Variants in IL12A observed in about 807,000 individuals in gnomAD.
The protein encoded by IL12A is interleukin-12 subunit alpha.
A neutral mutation model predicts 23.5 loss-of-function variants in IL12A; 16 were observed. That is an observed-to-expected ratio of 0.68 (90% confidence interval 0.46 to 1.03). The LOEUF is 1.03. Ranked by LOEUF, IL12A falls within the 50% of genes least tolerant of loss-of-function variation. The pLI is 0.00. For synonymous variants in IL12A, 106 were observed against 111.5 expected, an observed-to-expected ratio of 0.95 and a Z score of 0.31; for missense variants, 275 against 307.0, an observed-to-expected ratio of 0.90 and a Z score of 0.78.
At position 159,993,861 on chromosome 3, in the gene IL12A, T is replaced by C. The variant is rs976811495; in HGVS notation, c.606+17T>C. The C allele has an allele frequency of 2.5e-6, 4 of 1,613,138 alleles. No individual in the cohort carries two copies. The Admixed American group carries it at 6.7e-5, about 27-fold the overall frequency. On this transcript the variant is annotated intron_variant, in intron 6 of 6. Coordinates refer to ENST00000305579, the MANE Select transcript of IL12A (RefSeq NM_000882.4). ...CTGATGCAGGTAAGACTTCATTCTA[T>C]CAGTGAGAGCACCTTTTTCATGCTA...
rs754001872 is a variant in IL12A at position 159,993,092 on chromosome 3, A to T, written c.345A>T (p.Thr115=). The T allele has an allele frequency of 6.2e-7, 1 of 1,600,930 alleles. No homozygotes were observed. Among genetic ancestry groups the T allele is most frequent in the Non-Finnish European group, 8.6e-7 (1 of 1,168,006 alleles). ...ATATCACAAAAGATAAAACCAGCAC[A>T]GTGGAGGCCTGTTTACCATTGGAAT... Residue 115 remains threonine, a synonymous_variant, in exon 3 of 7, where the codon ACA becomes ACT. Coordinates refer to ENST00000305579, the MANE Select transcript of IL12A (RefSeq NM_000882.4).
chr3:159,993,969 C>A, intron 6 of IL12A, 125 bp downstream of exon 6: 1 of 915,462 alleles, frequency 1.1e-6, no homozygotes, highest in Non-Finnish European at 1.7e-6. Context: ...CCTACATTTT[C>A]AAGAAGACAG....
intron 2 of IL12A, 166 bp downstream of exon 2, chr3:159,990,478 A>G (rs1428798147): frequency 3.1e-6 from 2 of 651,874 alleles, no homozygotes; most frequent in African/African-American, 3.6e-5. Flanking sequence ...AGTGTTAAAG[A>G]GTCCTAGTGA....
rs1343666945 is a variant in IL12A, at chr3:159,990,200, A to G, written c.152A>G (p.Asp51Gly). Residue 51 changes from aspartate (D) to glycine (G), a missense_variant, in exon 2 of 7, where the codon GAC (aspartate) becomes GGC (glycine). By Grantham distance (94) the Asp-to-Gly change is moderately conservative (BLOSUM62 -1). Coordinates refer to ENST00000305579, the MANE Select transcript of IL12A (RefSeq NM_000882.4). ...CTTGTGGCTACCCTGGTCCTCCTGGACCACCTCAGTTTGGCCAGAAACCTC... is the reference window on the plus strand; with the variant it reads ...CTTGTGGCTACCCTGGTCCTCCTGGGCCACCTCAGTTTGGCCAGAAACCTC... 6.2e-7 allele frequency: 1 copy of G among 1,613,782 alleles called. No individual in the cohort carries two copies. The highest frequency in any genetic ancestry group is 8.5e-7 in the Non-Finnish European group (1 of 1,179,994).
chr3:159,992,138 G>A (rs1720338931), intron 2 of IL12A, among the ~76,000 whole-genome samples: 1 of 152,232 alleles, frequency 6.6e-6, no homozygotes, highest in South Asian at 2.1e-4. Flanking sequence ...TTGCTTCTTG[G>A]CTCATGCTGT....
At chr3:159,992,260 A>C (rs955662297) in intron 2 of IL12A, among the ~76,000 whole-genome samples, 1 of 152,006 alleles carries the variant, frequency 6.6e-6, no homozygotes, top group African/African-American at 2.4e-5. Flanking sequence ...CAGAAGCTTC[A>C]TGCCCTTCTC....
chr3:159,993,205 G>A (rs2243130), intron 3 of IL12A, 80 bp downstream of exon 3: 19,459 of 833,290 alleles, frequency 0.023, 458 homozygotes, highest in Middle Eastern at 0.064. Context: ...AAAAATTCAC[G>A]TTTCTGGTAT....
intron 2 of IL12A, 54 bp downstream of exon 2, chr3:159,990,366 G>GC (rs1313297105): frequency 6.4e-7 from 1 of 1,564,104 alleles, no homozygotes; most frequent in African/African-American, 1.4e-5. Flanking sequence ...TGAGGAAGGG[G>GC]CCTCTGATCC....
intron 6 of IL12A, among the ~76,000 whole-genome samples, chr3:159,994,857 T>A (rs1046753901): frequency 1.3e-5 from 2 of 152,166 alleles, no homozygotes; most frequent in African/African-American, 4.8e-5. Flanking sequence ...TTTAGACTTT[T>A]TGTGAGGAAG....
intron 2 of IL12A, among the ~76,000 whole-genome samples, chr3:159,992,339 A>G (rs573076761): frequency 2.0e-5 from 3 of 152,302 alleles, no homozygotes; most frequent in South Asian, 4.2e-4. Context: ...TAAACTTGCA[A>G]TCCAGGAGGG....
At chr3:159,994,077 G>T (rs1207142033) in intron 6 of IL12A, among the ~76,000 whole-genome samples, 1 of 152,122 alleles carries the variant, frequency 6.6e-6, no homozygotes, top group African/African-American at 2.4e-5. Flanking sequence ...CCCACACTCG[G>T]CAAATGTTTT....
At chr3:159,990,141 C>A (rs1200877496) in intron 1 of IL12A, 26 bp from the exon 2 acceptor site, 1 of 1,612,290 alleles carries the variant, frequency 6.2e-7, no homozygotes, top group Admixed American at 1.7e-5. Flanking sequence ...GGCTGAAGCT[C>A]CTCCACCTGC....
At position 159,995,611 on chromosome 3, in the gene IL12A, G is replaced by T; in HGVS notation, c.*52G>T. ...CATTTTTATAAAACTTTGAAATGAGGAAACTTTGATAGGATGTGGATTAAG... is the reference window on the plus strand; with the variant it reads ...CATTTTTATAAAACTTTGAAATGAGTAAACTTTGATAGGATGTGGATTAAG... On this transcript the variant is annotated 3_prime_UTR_variant, in exon 7 of 7. Transcript: ENST00000305579. 1.4e-6 allele frequency: 2 copies of T among 1,426,050 alleles called. No homozygotes were observed. The highest frequency in any genetic ancestry group is 1.9e-6 in the Non-Finnish European group (2 of 1,054,728). The allele number at this position is 1,426,050 out of a possible 1,614,324, so 88.3% of individuals were successfully genotyped here.
chr3:159,993,647 A>C lies in IL12A; in HGVS notation c.462+38A>C, dbSNP rs748799140. 3.1e-6 allele frequency: 5 copies of C among 1,614,120 alleles called. No homozygotes were observed. In the South Asian group the frequency reaches 5.5e-5, roughly 18 times the overall value. On this transcript the variant is annotated intron_variant, in intron 5 of 6. Transcript: ENST00000305579. ...GCTCTTTCCTCAAATGCAATGGGGG[A>C]AATGTTTTTAGCCCATCTCAATGGA...
Position 159,989,149 on chromosome 3 carries a change from C to T in IL12A, c.93C>T (p.Cys31=), listed in dbSNP as rs759476225. The change falls in exon 1 of 7, where the codon TGC becomes TGT. Residue 31 remains cysteine (C), a synonymous_variant. Coordinates refer to ENST00000305579, the MANE Select transcript of IL12A (RefSeq NM_000882.4). The stretch of plus-strand genomic sequence containing the variant: ...CGGCTCGCCCTGTGTCCCTGCAGTG[C>T]CGGCTCAGCATGTGTCCAGCGCGCA... The T allele has an allele frequency of 1.7e-5, 27 of 1,611,980 alleles. No individual in the cohort carries two copies. The East Asian group carries it at 5.6e-4, about 33-fold the overall frequency.
In IL12A at chr3:159,990,351, C is replaced by G. The variant is rs771788221; in HGVS notation, c.264+39C>G. On this transcript the variant is annotated intron_variant, in intron 2 of 6. Coordinates refer to ENST00000305579, the MANE Select transcript of IL12A (RefSeq NM_000882.4). ...GTCCTCTCCACTGTGGACCTGCACC[C>G]TCCCTGAGGAAGGGGCCTCTGATCC... 3 of 1,598,844 alleles carry G rather than the reference C, an allele frequency of 1.9e-6. No individual in the cohort carries two copies. In the East Asian group the frequency reaches 6.7e-5, roughly 36 times the overall value.
At chr3:159,992,109 T>C (rs888447601) in intron 2 of IL12A, among the ~76,000 whole-genome samples, 1 of 152,218 alleles carries the variant, frequency 6.6e-6, no homozygotes, top group Non-Finnish European at 1.5e-5. Flanking sequence ...TGCCCAAACG[T>C]ATTCTGAATT....
chr3:159,993,821 G>A lies in IL12A; in HGVS notation c.583G>A (p.Ala195Thr). 6.2e-7 allele frequency: 1 copy of A among 1,614,104 alleles called. No homozygotes were observed. Among genetic ancestry groups the A allele is most frequent in the African/African-American group, 1.3e-5 (1 of 75,036 alleles). The stretch of plus-strand genomic sequence containing the variant: ...GATCTTTCTAGATCAAAACATGCTG[G>A]CAGTTATTGATGAGCTGATGCAGGT... Residue 195 changes from alanine to threonine, a missense_variant, in exon 6 of 7, where the codon GCA becomes ACA. By Grantham distance (58) the Ala-to-Thr change is moderately conservative. Transcript: ENST00000305579.
In IL12A at chr3:159,993,059, T is replaced by G; in HGVS notation, c.312T>G (p.Asp104Glu). 1 of 1,611,012 alleles carries G rather than the reference T, an allele frequency of 6.2e-7. No homozygotes were observed. The highest frequency in any genetic ancestry group is 8.5e-7 in the Non-Finnish European group (1 of 1,177,204). Reference sequence around the variant, plus strand: ...ACCCTTGCACTTCTGAAGAGATTGATCATGAAGATATCACAAAAGATAAAA... The same window carrying G: ...ACCCTTGCACTTCTGAAGAGATTGAGCATGAAGATATCACAAAAGATAAAA... The change falls in exon 3 of 7, where the codon GAT becomes GAG. Residue 104 changes from aspartate to glutamate, a missense_variant. Asp to Glu is a conservative substitution (Grantham distance 45). Transcript: ENST00000305579.
Sources: gnomAD v4.1 joint callset for allele counts (sites outside exome capture counted in the v4.1 genomes callset) on GRCh38, gnomAD v4.1.1 for gene constraint, MANE v1.5 for transcripts, NCBI Gene and HGNC (gene_info 2026-07-23, HGNC 2026-07-21) for gene names.